BMPER: variants seen among roughly 807,000 people sequenced by gnomAD.
BMPER encodes BMP binding endothelial regulator.
A neutral mutation model predicts 87.3 loss-of-function variants in BMPER; 45 were observed. That is an observed-to-expected ratio of 0.52 (90% CI 0.41 to 0.66). BMPER has a LOEUF of 0.66. BMPER is among the 30% of genes least tolerant of loss of function. The pLI, the probability that BMPER is intolerant of heterozygous loss-of-function variation, is 0.00. For synonymous variants in BMPER, 326 were observed against 316.2 expected (o/e 1.03, Z -0.33); for missense variants, 784 against 867.5 (o/e 0.90, Z 1.21).
At chr7:33,933,922 T>G (rs920877664) in intron 2 of BMPER, among the ~76,000 whole-genome samples, 2 of 152,346 alleles carry the variant, frequency 1.3e-5, no homozygotes, top group South Asian at 4.1e-4. Context: ...ATGGCGATCA[T>G]TGGGAATTTT....
chr7:34,082,012 G>C (rs372906262), intron 12 of BMPER, among the ~76,000 whole-genome samples: 2 of 152,248 alleles, frequency 1.3e-5, no homozygotes, highest in African/African-American at 4.8e-5. Context: ...TCTGGAGCTA[G>C]GTCACATATT....
rs1390068274 is a variant in BMPER at position 34,087,523 on chromosome 7, GAAGTGGGGATAAT to G, written c.1745+1434_1745+1446del. Among the ~76,000 whole-genome samples, 189 of 152,284 alleles carry G rather than the reference GAAGTGGGGATAAT, an allele frequency of 1.2e-3. 3 individuals carry two copies. The highest frequency in any genetic ancestry group is 0.012 in the Admixed American group (185 of 15,294). ...TCTAAACCTCACCTTACTTATCTGT[GAAGTGGGGATAAT>G]AAAAGAACCTACCTTGAAGAGTCGC... On this transcript the variant is annotated intron_variant, in intron 13 of 14. Coordinates refer to ENST00000649409, the MANE Select transcript of BMPER (RefSeq NM_001365308.1).
intron 13 of BMPER, among the ~76,000 whole-genome samples, chr7:34,095,271 T>G (rs1211672958): frequency 6.6e-6 from 1 of 152,198 alleles, no homozygotes; most frequent in Non-Finnish European, 1.5e-5. Context: ...GGGGTAGAAT[T>G]CAGGCTGTAG....
intron 8 of BMPER, among the ~76,000 whole-genome samples, chr7:34,054,269 GCTCT>G (rs200095615): frequency 2.0e-5 from 3 of 151,898 alleles, no homozygotes; most frequent in Non-Finnish European, 4.4e-5. Flanking sequence ...CATAAAGCAC[GCTCT>G]CTCTCTCCAC....
chr7:33,999,385 C>G (rs1786516631), intron 6 of BMPER, among the ~76,000 whole-genome samples: 1 of 152,140 alleles, frequency 6.6e-6, no homozygotes, highest in Non-Finnish European at 1.5e-5. Flanking sequence ...ATGTGTTCTC[C>G]CCATAAAAAT....
At chr7:34,140,284 C>T (rs1790830452) in intron 13 of BMPER, among the ~76,000 whole-genome samples, 1 of 152,210 alleles carries the variant, frequency 6.6e-6, no homozygotes. Context: ...GCCAGCGGGG[C>T]AGGGGGATGA....
chr7:33,930,691 CA>C (rs1433909089), intron 2 of BMPER, among the ~76,000 whole-genome samples: 6 of 152,146 alleles, frequency 3.9e-5, no homozygotes, highest in Non-Finnish European at 5.9e-5. Context: ...GCTATAATCC[CA>C]GCACTTTGGG....
At chr7:33,905,800 GGAAAGGTGGCGCTGGC>G in intron 1 of BMPER, 54 bp downstream of exon 1, 2 of 1,437,280 alleles carry the variant, frequency 1.4e-6, no homozygotes, top group East Asian at 2.8e-5. Flanking sequence ...TTGGTACCTG[GGAAAGGTGGCGCTGGC>G]TTGCCCCGGG....
At chr7:33,911,881 A>G (rs1348994676) in intron 2 of BMPER, among the ~76,000 whole-genome samples, 1 of 152,226 alleles carries the variant, frequency 6.6e-6, no homozygotes. Context: ...CTCATATGGA[A>G]TAGGATGCAA....
At chr7:34,026,818 T>A (rs925509471) in intron 6 of BMPER, among the ~76,000 whole-genome samples, 1 of 152,148 alleles carries the variant, frequency 6.6e-6, no homozygotes, top group Non-Finnish European at 1.5e-5. Flanking sequence ...TATTTCTATC[T>A]ACTGAATACC....
intron 6 of BMPER, among the ~76,000 whole-genome samples, chr7:33,984,394 G>A (rs1785944068): frequency 6.6e-6 from 1 of 152,022 alleles, no homozygotes; most frequent in South Asian, 2.1e-4. Flanking sequence ...TCAATCTGGA[G>A]GTGGAAGTTG....
chr7:34,092,296 T>C (rs1789407691), intron 13 of BMPER, among the ~76,000 whole-genome samples: 1 of 152,202 alleles, frequency 6.6e-6, no homozygotes, highest in African/African-American at 2.4e-5. Context: ...AATCTCTCCA[T>C]CTACCTCTGC....
chr7:34,070,398 A>T (rs771695873), intron 11 of BMPER, among the ~76,000 whole-genome samples: 1 of 152,158 alleles, frequency 6.6e-6, no homozygotes, highest in African/African-American at 2.4e-5. Flanking sequence ...CTAATCAATC[A>T]TCAGGTTTGC....
Position 33,970,343 on chromosome 7 carries a change from A to G in BMPER, c.417A>G (p.Thr139=). The stretch of plus-strand genomic sequence containing the variant: ...CTGTGTTTCAGGAGGGCGTTGTCAC[A>G]GAGTCTGGGGTGCGCTGTGTTGTTC... ...VLRQCQEGVV[T]ESGVRCVVHC... is the part of the protein sequence containing the mutation. The change falls in exon 5 of 15, where the codon ACA becomes ACG. Residue 139 remains threonine, a synonymous_variant. Transcript: ENST00000649409. The G allele has an allele frequency of 6.2e-7, 1 of 1,614,100 alleles. No homozygotes were observed. Among genetic ancestry groups the G allele is most frequent in the Non-Finnish European group, 8.5e-7 (1 of 1,179,958 alleles).
At chr7:34,034,455 C>T (rs1018331659) in intron 6 of BMPER, among the ~76,000 whole-genome samples, 1 of 152,090 alleles carries the variant, frequency 6.6e-6, no homozygotes, top group Non-Finnish European at 1.5e-5. Flanking sequence ...TGCTGTTGTG[C>T]CCTCTGTTTG....
chr7:34,087,282 G>T (rs953942568), intron 13 of BMPER, among the ~76,000 whole-genome samples: 14 of 152,226 alleles, frequency 9.2e-5, no homozygotes, highest in Admixed American at 4.6e-4. Flanking sequence ...ACCACCCCTA[G>T]ACTGACCTCT....
chr7:33,966,024 T>C (rs1785397927), intron 3 of BMPER, among the ~76,000 whole-genome samples: 1 of 152,232 alleles, frequency 6.6e-6, no homozygotes, highest in Non-Finnish European at 1.5e-5. Flanking sequence ...TAGATGAGTA[T>C]AGAATTTTGC....
intron 13 of BMPER, among the ~76,000 whole-genome samples, chr7:34,137,750 A>G (rs1463299482): frequency 6.6e-6 from 1 of 152,212 alleles, no homozygotes; most frequent in Non-Finnish European, 1.5e-5. Context: ...TGGAAGTCCA[A>G]GGGTTGATGG....
intron 6 of BMPER, among the ~76,000 whole-genome samples, chr7:34,003,972 T>C (rs1238931644): frequency 6.6e-6 from 1 of 152,146 alleles, no homozygotes; most frequent in African/African-American, 2.4e-5. Context: ...GTTTTGGCTA[T>C]TATTCTTCAA....
Sources: gnomAD v4.1 joint callset for allele counts (sites outside exome capture counted in the v4.1 genomes callset) on GRCh38, gnomAD v4.1.1 for gene constraint, MANE v1.5 for transcripts, NCBI Gene and HGNC (gene_info 2026-07-23, HGNC 2026-07-21) for gene names.